Variants in SRBD1 observed in about 807,000 individuals in gnomAD.
SRBD1 encodes S1 RNA binding domain 1, also known as S1 RNA-binding domain-containing protein 1.
A neutral mutation model predicts 115.3 loss-of-function variants in SRBD1; 88 were observed. That is an observed-to-expected ratio of 0.76 (90% CI 0.64 to 0.91). The LOEUF is 0.91. Among genes scored for constraint, SRBD1 ranks in the 40% least tolerant of loss-of-function variants. The pLI is 0.00. For missense variants in SRBD1, 1,385 were observed against 1,177.4 expected (o/e 1.18, Z -2.58); for synonymous variants, 509 against 407.7 (o/e 1.25, Z -2.99).
intron 4 of SRBD1, among the ~76,000 whole-genome samples, chr2:45,588,677 T>C (rs558816872): frequency 7.1e-4 from 108 of 152,288 alleles, no homozygotes; most frequent in Admixed American, 1.1e-3. Flanking sequence ...ACAGCCTGAG[T>C]GCTGCATTGC....
At chr2:45,604,218 C>G (rs1057287399) in intron 2 of SRBD1, among the ~76,000 whole-genome samples, 1 of 151,848 alleles carries the variant, frequency 6.6e-6, no homozygotes, top group Non-Finnish European at 1.5e-5. Context: ...AAATATAAAC[C>G]CAGGTCATGT....
rs1674290322 is a variant in SRBD1, at chr2:45,606,867, T to C, written c.1-1426A>G. 2.0e-5 allele frequency among the ~76,000 whole-genome samples: 3 copies of C among 152,200 alleles called. No homozygotes were observed. In the South Asian group the frequency reaches 6.2e-4, roughly 31 times the overall value. ...ACATGTTTGGAACCCTTTAAACAAG[T>C]TTCTGACCCAGTCATATGTTATAAT... On this transcript the variant is annotated intron_variant, in intron 1 of 20. Coordinates refer to ENST00000263736, the MANE Select transcript of SRBD1 (RefSeq NM_018079.5).
At chr2:45,578,506 A>T (rs1366792921) in intron 7 of SRBD1, among the ~76,000 whole-genome samples, 1 of 152,232 alleles carries the variant, frequency 6.6e-6, no homozygotes, top group Non-Finnish European at 1.5e-5. Flanking sequence ...GATTTTACAG[A>T]CACACCCACT....
intron 8 of SRBD1, among the ~76,000 whole-genome samples, chr2:45,574,301 T>C (rs1207347223): frequency 2.0e-5 from 3 of 152,194 alleles, no homozygotes; most frequent in Non-Finnish European, 4.4e-5. Context: ...TAAAAAGCAA[T>C]GCCACTCTAA....
chr2:45,598,403 G>T (rs1673973721), intron 4 of SRBD1, among the ~76,000 whole-genome samples: 1 of 151,880 alleles, frequency 6.6e-6, no homozygotes, highest in Non-Finnish European at 1.5e-5. Context: ...TCACGAGGCA[G>T]GCAGATCGAG....
chr2:45,561,861 A>C (rs942066950), intron 10 of SRBD1, among the ~76,000 whole-genome samples: 2 of 152,216 alleles, frequency 1.3e-5, no homozygotes, highest in African/African-American at 2.4e-5. Context: ...GTTTCTTTCA[A>C]TCATCCTTAA....
rs149572340 is a variant in SRBD1 at position 45,401,545 on chromosome 2, T to C, written c.2514-8416A>G. ...AGAAAACTTCGGGCTTTTTCAAATT[T>C]GCAAATAATCTCTTAGGTCTGTTTA... On this transcript the variant is annotated intron_variant, in intron 19 of 20. Transcript: ENST00000263736. Among the ~76,000 whole-genome samples the C allele has an allele frequency of 2.3e-3, 351 of 152,350 alleles. 2 individuals carry two copies. The highest frequency in any genetic ancestry group is 8.3e-3 in the African/African-American group (344 of 41,592).
intron 3 of SRBD1, among the ~76,000 whole-genome samples, chr2:45,600,556 G>C (rs1234930935): frequency 1.3e-5 from 2 of 152,106 alleles, no homozygotes; most frequent in Non-Finnish European, 2.9e-5. Context: ...GTAGAGGATA[G>C]AACACAGAAT....
intron 12 of SRBD1, 56 bp from the exon 13 acceptor site, chr2:45,547,668 T>C (rs557661668): frequency 4.2e-6 from 6 of 1,438,226 alleles, no homozygotes; most frequent in Non-Finnish European, 5.7e-6. Context: ...GTGAAACACA[T>C]GAATGATTTT....
chr2:45,477,852 G>C (rs966902633), intron 15 of SRBD1, among the ~76,000 whole-genome samples: 1 of 152,024 alleles, frequency 6.6e-6, no homozygotes, highest in Non-Finnish European at 1.5e-5. Flanking sequence ...ACACACCATA[G>C]TTCTAATTAC....
chr2:45,541,630 G>A (rs942798388), intron 14 of SRBD1, among the ~76,000 whole-genome samples: 2 of 152,170 alleles, frequency 1.3e-5, no homozygotes, highest in Non-Finnish European at 2.9e-5. Context: ...CAGCAGAGAG[G>A]AGACCCACAG....
intron 9 of SRBD1, among the ~76,000 whole-genome samples, chr2:45,572,156 G>T (rs1275352435): frequency 6.6e-6 from 1 of 151,980 alleles, no homozygotes; most frequent in African/African-American, 2.4e-5. Flanking sequence ...CATGAATAAG[G>T]CATCGTAAGA....
chr2:45,562,629 T>C, intron 10 of SRBD1, 24 bp downstream of exon 10: 8 of 1,531,500 alleles, frequency 5.2e-6, no homozygotes, highest in Non-Finnish European at 7.1e-6. Flanking sequence ...ACAAAGAAAA[T>C]TCTGTAAATA....
chr2:45,522,386 A>G (rs532647330), intron 14 of SRBD1, among the ~76,000 whole-genome samples: 30 of 152,164 alleles, frequency 2.0e-4, no homozygotes, highest in African/African-American at 6.7e-4. Flanking sequence ...CCATATTGCG[A>G]GAGCTAATCT....
chr2:45,565,269 C>A (rs1041052032), intron 9 of SRBD1, among the ~76,000 whole-genome samples: 2 of 152,142 alleles, frequency 1.3e-5, no homozygotes, highest in African/African-American at 4.8e-5. Context: ...ACAGTGGGGA[C>A]TGGCATAAGG....
At chr2:45,421,951 T>TG (rs1163563849) in intron 16 of SRBD1, among the ~76,000 whole-genome samples, 1 of 152,158 alleles carries the variant, frequency 6.6e-6, no homozygotes, top group Non-Finnish European at 1.5e-5. Flanking sequence ...ACTGAGAACT[T>TG]GGTTACTCTG....
Position 45,488,268 on chromosome 2 carries a change from T to C in SRBD1, c.1938A>G (p.Pro646=). 5 of 1,614,074 alleles carry C rather than the reference T, an allele frequency of 3.1e-6. No homozygotes were observed. The highest frequency in any genetic ancestry group is 4.2e-6 in the Non-Finnish European group (5 of 1,179,964). ...CACTTCTCAAATTAGGGTCCAGCCC[T>C]GGCATCTCTTTGTTAGCTTCAGGGC... ...SVSPEANKEM[P]GLDPNLRSAV... Residue 646 remains proline (P), a synonymous_variant, in exon 15 of 21, where the codon CCA becomes CCG. Transcript: ENST00000263736.
At chr2:45,426,139 C>G (rs1668147070) in intron 16 of SRBD1, among the ~76,000 whole-genome samples, 3 of 152,164 alleles carry the variant, frequency 2.0e-5, no homozygotes, top group Admixed American at 2.0e-4. Context: ...CTGAAGTCAA[C>G]CTGGGATGCT....
At chr2:45,475,994 T>TA (rs1669793029) in intron 16 of SRBD1, among the ~76,000 whole-genome samples, 1 of 152,226 alleles carries the variant, frequency 6.6e-6, no homozygotes, top group African/African-American at 2.4e-5. Flanking sequence ...CCACTGCACC[T>TA]AGCCAGTTGT....
Sources: gnomAD v4.1 joint callset for allele counts (sites outside exome capture counted in the v4.1 genomes callset) on GRCh38, gnomAD v4.1.1 for gene constraint, MANE v1.5 for transcripts, NCBI Gene and HGNC (gene_info 2026-07-23, HGNC 2026-07-21) for gene names.